The following PACRGL variants were observed in gnomAD, a reference collection of about 807,000 sequenced individuals.
The protein encoded by PACRGL is PACRG-like protein.
Under a neutral mutation model 34.5 loss-of-function variants are expected in PACRGL, and 38 were observed. That is an observed-to-expected ratio of 1.10 (90% confidence interval 0.85 to 1.44). PACRGL has a LOEUF of 1.44. Ranked by LOEUF, PACRGL falls within the 40% of genes most tolerant of loss-of-function variation. The probability of loss-of-function intolerance (pLI) is 0.00; values close to 1 mark genes in which losing one functional copy is unlikely to be tolerated. For synonymous variants in PACRGL, 128 were observed against 100.1 expected (o/e 1.28, Z -1.66); for missense variants, 305 against 281.4 (o/e 1.08, Z -0.60).
chr4:20,706,887 T>C (rs111643296), intron 3 of PACRGL, among the ~76,000 whole-genome samples: 1 of 152,202 alleles, frequency 6.6e-6, no homozygotes, highest in African/African-American at 2.4e-5. Flanking sequence ...TATGAATCTT[T>C]TATTGTAATT....
At chr4:20,755,632 C>T (rs1020374969), downstream of PACRGL, among the ~76,000 whole-genome samples, 6 of 151,964 alleles carry the variant, frequency 3.9e-5, no homozygotes, top group Admixed American at 2.0e-4. Flanking sequence ...TGGATTGTCT[C>T]GAGTGCCGAA....
chr4:20,740,053 TAAAC>T (rs1214429959), intron 8 of PACRGL, among the ~76,000 whole-genome samples: 2 of 148,646 alleles, frequency 1.3e-5, no homozygotes, highest in East Asian at 2.0e-4. Flanking sequence ...AAAAATGAGT[TAAAC>T]AAAGCCTCCA....
intron 8 of PACRGL, among the ~76,000 whole-genome samples, chr4:20,748,045 C>G (rs1752738550): frequency 6.6e-6 from 1 of 152,142 alleles, no homozygotes; most frequent in African/African-American, 2.4e-5. Context: ...CAGACCCTGT[C>G]TGCACTCTTG....
intron 5 of PACRGL, among the ~76,000 whole-genome samples, chr4:20,712,381 T>G (rs1737702388): frequency 6.7e-6 from 1 of 150,374 alleles, no homozygotes; most frequent in Non-Finnish European, 1.5e-5. Context: ...TCGAAACTAT[T>G]AAAAAAAAAT....
chr4:20,708,592 TTAATTCTCTA>T (rs2149073966), intron 4 of PACRGL, among the ~76,000 whole-genome samples: 1 of 152,304 alleles, frequency 6.6e-6, no homozygotes, highest in East Asian at 1.9e-4. Context: ...TTAAAGTTTC[TTAATTCTCTA>T]CTCCCCACCC....
chr4:20,712,136 CCT>C (rs1270080539), intron 5 of PACRGL, among the ~76,000 whole-genome samples: 3 of 151,686 alleles, frequency 2.0e-5, no homozygotes, highest in African/African-American at 7.3e-5. Flanking sequence ...GTTTCATTTA[CCT>C]TTCCTTTTCC....
downstream of PACRGL, among the ~76,000 whole-genome samples, chr4:20,755,109 A>G (rs969052845): frequency 2.6e-5 from 4 of 152,182 alleles, no homozygotes; most frequent in African/African-American, 9.7e-5. Flanking sequence ...GTGGTTTGTT[A>G]GAAGGGCCCT....
rs1002825270 is a variant in PACRGL, at chr4:20,745,477, C to T, written c.*57-7088C>T. Among the ~76,000 whole-genome samples, 21 of 152,188 alleles carry T rather than the reference C, an allele frequency of 1.4e-4. 1 individual carries two copies. Among genetic ancestry groups the T allele is most frequent in the South Asian group, 8.3e-4 (4 of 4,820 alleles). The stretch of plus-strand genomic sequence containing the variant: ...AATGTGGCTTATAAGACTTTTGCTC[C>T]GTGCTTTTCTGAGTTGTAATTGAAG... On this transcript the variant is annotated intron_variant, in intron 8 of 8. Transcript: ENST00000507634.
downstream of PACRGL, among the ~76,000 whole-genome samples, chr4:20,736,500 TTTC>T (rs1385085054): frequency 6.6e-6 from 1 of 152,176 alleles, no homozygotes; most frequent in Non-Finnish European, 1.5e-5. Flanking sequence ...ATACGTTGGT[TTTC>T]TTCTGGGTTT....
Position 20,732,261 on chromosome 4 carries a change from CT to C in PACRGL, c.*4924del, listed in dbSNP as rs1411707402. Among the ~76,000 whole-genome samples, 3 of 152,132 alleles carry C rather than the reference CT, an allele frequency of 2.0e-5. No homozygotes were observed. Among genetic ancestry groups the C allele is most frequent in the Admixed American group, 1.3e-4 (2 of 15,256 alleles). On this transcript the variant is annotated 3_prime_UTR_variant, in exon 9 of 9. Transcript: ENST00000503585. ...AGGGCCAAATGCTTCTGGCTTTTCC[CT>C]TTTCAATATAATGTGGTGAAGATGT...
At position 20,732,220 on chromosome 4, in the gene PACRGL, T is replaced by C; in HGVS notation, c.*4879T>C. The C allele has an allele frequency of 1.6e-6, 1 of 620,478 alleles. No homozygotes were observed. Among genetic ancestry groups the C allele is most frequent in the Non-Finnish European group, 2.8e-6 (1 of 355,320 alleles). 38.4% of individuals were successfully genotyped at this position (620,478 alleles called of 1,614,324 possible). A position where few individuals can be genotyped will look rare whatever the true frequency, so the allele number is the denominator to read the frequency against. ...TTCAGAGCAGGAACCAGCAGTTTTT[T>C]AGAGATAAAAATGATAGGGCCAAAT... On this transcript the variant is annotated 3_prime_UTR_variant, in exon 9 of 9. Transcript: ENST00000503585.
intron 5 of PACRGL, 66 bp downstream of exon 5, chr4:20,709,839 T>A: frequency 7.6e-7 from 1 of 1,323,028 alleles, no homozygotes; most frequent in Non-Finnish European, 1.1e-6. Flanking sequence ...AAATGCTACT[T>A]TGTAGCTTGT....
intron 8 of PACRGL, among the ~76,000 whole-genome samples, chr4:20,744,037 G>T (rs188720237): frequency 8.0e-4 from 122 of 152,242 alleles, no homozygotes; most frequent in Middle Eastern, 6.8e-3. Flanking sequence ...GGCCATCAGA[G>T]AAATGCAAAT....
chr4:20,758,773 A>G, the PACRGL span: 3 of 1,433,440 alleles, frequency 2.1e-6, no homozygotes, highest in Non-Finnish European at 2.9e-6. Context: ...CACTGCAAGC[A>G]TAATTGTAAC....
At chr4:20,759,095 T>C in the PACRGL span, among the ~76,000 whole-genome samples, 1 of 152,180 alleles carries the variant, frequency 6.6e-6, no homozygotes, top group African/African-American at 2.4e-5. Context: ...GATGTAAATA[T>C]CTTTGCATAT....
downstream of PACRGL, among the ~76,000 whole-genome samples, chr4:20,756,201 A>G (rs192078846): frequency 3.7e-3 from 557 of 152,034 alleles, 3 homozygotes; most frequent in Admixed American, 0.012. Context: ...GGCAAGGTCA[A>G]TGGCAAAGTC....
At chr4:20,750,223 C>T (rs938001270) in intron 8 of PACRGL, among the ~76,000 whole-genome samples, 1 of 152,160 alleles carries the variant, frequency 6.6e-6, no homozygotes, top group Non-Finnish European at 1.5e-5. Context: ...AAAACATACC[C>T]AAAGTCACAC....
rs1333018472 is a variant in PACRGL at position 20,730,961 on chromosome 4, G to A, written c.*3620G>A. 6.6e-6 allele frequency among the ~76,000 whole-genome samples: 1 copy of A among 152,142 alleles called. No individual in the cohort carries two copies. The highest frequency in any genetic ancestry group is 1.5e-5 in the Non-Finnish European group (1 of 68,024). ...TAATTCTCTCAAAGACCACTGCATG[G>A]AAATCCAAGTTGAGAGACAAGCAGA... On this transcript the variant is annotated 3_prime_UTR_variant, in exon 9 of 9. Transcript: ENST00000503585.
chr4:20,753,294 T>C (rs952916476), downstream of PACRGL, among the ~76,000 whole-genome samples: 1 of 152,120 alleles, frequency 6.6e-6, no homozygotes, highest in African/African-American at 2.4e-5. Flanking sequence ...TCGAGGATAC[T>C]AGAGTAGAAA....
Sources: allele counts gnomAD v4.1 joint callset (sites outside exome capture counted in the v4.1 genomes callset), GRCh38; gene constraint gnomAD v4.1.1; transcripts MANE v1.5; gene names NCBI Gene and HGNC (gene_info 2026-07-23, HGNC 2026-07-21).